LNPK: variants seen among roughly 807,000 people sequenced by gnomAD.
LNPK encodes the protein endoplasmic reticulum junction formation protein lunapark.
In LNPK, 29 loss-of-function variants were observed where a neutral mutation model predicts 55.2. That is an observed-to-expected ratio of 0.53 (90% CI 0.39 to 0.72). The LOEUF (loss-of-function observed/expected upper bound fraction) is 0.72. Among genes scored for constraint, LNPK ranks in the 30% least tolerant of loss-of-function variants. The pLI is 0.00. For missense variants in LNPK, 467 were observed against 494.8 expected (o/e 0.94, Z 0.53); for synonymous variants, 162 against 168.2 (o/e 0.96, Z 0.29).
rs990017304 is a variant in LNPK, at chr2:176,002,256, T to C, written c.-159A>G. 1 of 450,280 alleles carries C rather than the reference T, an allele frequency of 2.2e-6. No individual in the cohort carries two copies. Among genetic ancestry groups the C allele is most frequent in the Non-Finnish European group, 4.4e-6 (1 of 225,132 alleles). The allele number at this position is 450,280 out of a possible 1,614,324, so 27.9% of individuals were successfully genotyped here. A position where few individuals can be genotyped will look rare whatever the true frequency, so the allele number is the denominator to read the frequency against. On this transcript the variant is annotated 5_prime_UTR_variant, in exon 1 of 13. Transcript: ENST00000272748. ...CTCCAGAGCAGGCAGCAGCCGCCAC[T>C]GACAGAGAGACAAGCCGGGCCAACT...
chr2:175,981,093 C>A (rs936539174), intron 4 of LNPK, among the ~76,000 whole-genome samples: 2 of 152,160 alleles, frequency 1.3e-5, no homozygotes, highest in Non-Finnish European at 2.9e-5. Flanking sequence ...CAAGTAGTCA[C>A]CAGTGATCCC....
At position 175,989,385 on chromosome 2, in the gene LNPK, T is replaced by C. The variant is rs371938308; in HGVS notation, c.257+2846A>G. Among the ~76,000 whole-genome samples the C allele has an allele frequency of 3.4e-3, 518 of 152,266 alleles. 15 individuals are homozygous for C. In the South Asian group the frequency reaches 0.072, roughly 21 times the overall value. On this transcript the variant is annotated intron_variant, in intron 4 of 12. Transcript: ENST00000272748. ...AAATAAAAAAATTATGGCTAACTCC[T>C]CAATATCTTATGATGATGATCAGTC...
In LNPK at chr2:175,956,151, A is replaced by G. The variant is rs62187003; in HGVS notation, c.493+8221T>C. Among the ~76,000 whole-genome samples, 394 of 152,028 alleles carry G rather than the reference A, an allele frequency of 2.6e-3. 2 individuals carry two copies. Among genetic ancestry groups the G allele is most frequent in the Admixed American group, 4.7e-3 (72 of 15,254 alleles). ...AAAAATTAGCTGGGCACGGTGGTAC[A>G]TACTCGTAGTCCCAGCTACTCAGGA... On this transcript the variant is annotated intron_variant, in intron 8 of 12. Coordinates refer to ENST00000272748, the MANE Select transcript of LNPK (RefSeq NM_030650.3).
intron 4 of LNPK, among the ~76,000 whole-genome samples, chr2:175,989,971 T>C (rs1687620694): frequency 6.6e-6 from 1 of 152,214 alleles, no homozygotes; most frequent in Non-Finnish European, 1.5e-5. Context: ...AAACTGGGAA[T>C]GTGTAGACAG....
In LNPK at chr2:175,928,522, A is replaced by C. The variant is rs556175393; in HGVS notation, c.*1445T>G. ...CAGATTGAGTTCCAAAAAAAAAAAAAAAAAAAAACTGTCACATATGAGATA... is the reference window on the plus strand; with the variant it reads ...CAGATTGAGTTCCAAAAAAAAAAAACAAAAAAAACTGTCACATATGAGATA... On this transcript the variant is annotated 3_prime_UTR_variant, in exon 13 of 13. Transcript: ENST00000272748. The C allele has an allele frequency of 4.0e-5, 6 of 149,112 alleles. No homozygotes were observed. The South Asian group carries it at 1.0e-3, about 26-fold the overall frequency. 9.2% of individuals were successfully genotyped at this position (149,112 alleles called of 1,614,324 possible).
chr2:175,937,300 T>C (rs772520201), intron 12 of LNPK, 44 bp downstream of exon 12: 9 of 1,552,342 alleles, frequency 5.8e-6, no homozygotes, highest in Non-Finnish European at 6.2e-6. Context: ...TACTGTTAAA[T>C]AACACATGTT....
rs554273382 is a variant in LNPK, at chr2:175,984,296, G to A, written c.258-4428C>T. Among the ~76,000 whole-genome samples the A allele has an allele frequency of 2.5e-4, 38 of 151,330 alleles. 1 individual carries two copies. The South Asian group carries it at 7.7e-3, about 31-fold the overall frequency. On this transcript the variant is annotated intron_variant, in intron 4 of 12. Transcript: ENST00000272748. ...TGGGTTCATGTGATTCTCCTGCCTC[G>A]GCCTCCCTAGTAGCTGGGATTACAG...
At chr2:175,961,521 C>T (rs1160964098) in intron 8 of LNPK, among the ~76,000 whole-genome samples, 1 of 152,160 alleles carries the variant, frequency 6.6e-6, no homozygotes, top group Admixed American at 6.5e-5. Context: ...GCTAAAAACT[C>T]TCAATAAACT....
chr2:175,988,765 T>C (rs1040172117), intron 4 of LNPK, among the ~76,000 whole-genome samples: 2 of 152,116 alleles, frequency 1.3e-5, no homozygotes, highest in Non-Finnish European at 2.9e-5. Flanking sequence ...TTATTATATA[T>C]AAAAGCCATA....
At chr2:175,943,424 T>C (rs2105550043) in intron 9 of LNPK, among the ~76,000 whole-genome samples, 1 of 152,000 alleles carries the variant, frequency 6.6e-6, no homozygotes, top group Middle Eastern at 3.4e-3. Flanking sequence ...ATAACTCTGA[T>C]AACAAAACCA....
At position 175,925,315 on chromosome 2, in the gene LNPK, G is replaced by T. The variant is rs972047443; in HGVS notation, c.*4652C>A. ...GAAGTAGCAAAATTTCCAAACTTGG[G>T]TTCCAAGTGGAACGATTCCAATTCA... On this transcript the variant is annotated 3_prime_UTR_variant, in exon 13 of 13. Transcript: ENST00000272748. 6.6e-6 allele frequency: 1 copy of T among 152,110 alleles called. No homozygotes were observed. The highest frequency in any genetic ancestry group is 1.5e-5 in the Non-Finnish European group (1 of 68,038). 9.4% of individuals were successfully genotyped at this position (152,110 alleles called of 1,614,324 possible).
In LNPK at chr2:175,928,833, C is replaced by T. The variant is rs1451468900; in HGVS notation, c.*1134G>A. On this transcript the variant is annotated 3_prime_UTR_variant, in exon 13 of 13. Transcript: ENST00000272748. Reference sequence around the variant, plus strand: ...ATTAAATCCAATTAACTACCAGCAACCCACTACCTATTCTCACAAAATTTG... The same window carrying T: ...ATTAAATCCAATTAACTACCAGCAATCCACTACCTATTCTCACAAAATTTG... 6.6e-6 allele frequency: 1 copy of T among 152,184 alleles called. No homozygotes were observed. The highest frequency in any genetic ancestry group is 1.5e-5 in the Non-Finnish European group (1 of 68,060). The allele number at this position is 152,184 out of a possible 1,614,324, so 9.4% of individuals were successfully genotyped here. A position where few individuals can be genotyped will look rare whatever the true frequency, so the allele number is the denominator to read the frequency against.
At chr2:175,956,463 TC>T (rs930913248) in intron 8 of LNPK, among the ~76,000 whole-genome samples, 4 of 152,054 alleles carry the variant, frequency 2.6e-5, no homozygotes, top group Non-Finnish European at 1.5e-5. Context: ...GCTTACCTCC[TC>T]CAACTGCAAG....
At chr2:175,971,959 C>A (rs1309640514) in intron 5 of LNPK, among the ~76,000 whole-genome samples, 1 of 152,112 alleles carries the variant, frequency 6.6e-6, no homozygotes, top group African/African-American at 2.4e-5. Flanking sequence ...TGCTCTGTCA[C>A]CCAGGCTGGA....
chr2:175,970,986 GTATTATATATTATAGGCCAT>G (rs1345259292), intron 5 of LNPK, among the ~76,000 whole-genome samples, 182 bp from the exon 6 acceptor site: 1 of 152,008 alleles, frequency 6.6e-6, no homozygotes, highest in Admixed American at 6.6e-5. Flanking sequence ...ATTTTTGCCT[GTATTATATATTATAGGCCAT>G]TGAGGTGAAA....
chr2:175,963,114 A>C (rs1463773003), intron 8 of LNPK, among the ~76,000 whole-genome samples: 1 of 147,714 alleles, frequency 6.8e-6, no homozygotes, highest in Non-Finnish European at 1.5e-5. Flanking sequence ...GTGGGACTGT[A>C]AACTAGTTCA....
intron 9 of LNPK, chr2:175,940,963 G>A (rs1381363154): frequency 1.1e-5 from 5 of 454,204 alleles, no homozygotes; most frequent in South Asian, 7.8e-5. Context: ...CATACAAAAT[G>A]ACAACCAGGC....
intron 12 of LNPK, among the ~76,000 whole-genome samples, chr2:175,931,788 G>C (rs543630836): frequency 1.1e-3 from 163 of 152,218 alleles, no homozygotes; most frequent in African/African-American, 3.7e-3. Flanking sequence ...AGAGCAGAAA[G>C]GAAAAGCAGA....
intron 8 of LNPK, among the ~76,000 whole-genome samples, chr2:175,963,720 TA>T (rs199787483): frequency 5.3e-5 from 8 of 149,952 alleles, no homozygotes; most frequent in African/African-American, 1.7e-4. Flanking sequence ...ATTAATTAAT[TA>T]AAAAAAAAGA....
Sources: allele counts gnomAD v4.1 joint callset (sites outside exome capture counted in the v4.1 genomes callset), GRCh38; gene constraint gnomAD v4.1.1; transcripts MANE v1.5; gene names NCBI Gene and HGNC (gene_info 2026-07-23, HGNC 2026-07-21).